Variants in KCNT2 observed in about 807,000 individuals in gnomAD.
KCNT2 encodes the protein potassium sodium-activated channel subfamily T member 2.
A neutral mutation model predicts 153.8 loss-of-function variants in KCNT2; 67 were observed. The ratio of observed to expected loss-of-function variants is 0.44; its 90% CI spans 0.36 to 0.53. The LOEUF (loss-of-function observed/expected upper bound fraction) is 0.53. KCNT2 is among the 20% of genes least tolerant of loss of function. The pLI, the probability that KCNT2 is intolerant of heterozygous loss-of-function variation, is 0.00. For missense variants in KCNT2, 975 were observed against 1,354.8 expected, an observed-to-expected ratio of 0.72 and a Z score of 4.40; for synonymous variants, 500 against 458.8, an observed-to-expected ratio of 1.09 and a Z score of -1.15.
chr1:196,570,062 T>C (rs866845997), intron 1 of KCNT2, among the ~76,000 whole-genome samples: 7 of 116,280 alleles, frequency 6.0e-5, no homozygotes, highest in Non-Finnish European at 1.1e-4. Flanking sequence ...AAGCTTGAGC[T>C]AGAGTAAAAA....
At chr1:196,530,112 A>G (rs1654749477) in intron 1 of KCNT2, among the ~76,000 whole-genome samples, 1 of 152,022 alleles carries the variant, frequency 6.6e-6, no homozygotes, top group African/African-American at 2.4e-5. Context: ...CACAATAAAT[A>G]TAAAGTTTAT....
At chr1:196,482,085 G>T (rs1415120282) in intron 4 of KCNT2, among the ~76,000 whole-genome samples, 1 of 152,092 alleles carries the variant, frequency 6.6e-6, no homozygotes, top group Admixed American at 6.6e-5. Context: ...GTATACTTTG[G>T]TTTTCTCCAA....
intron 22 of KCNT2, among the ~76,000 whole-genome samples, chr1:196,290,494 T>A (rs1660084590): frequency 6.6e-6 from 1 of 151,856 alleles, no homozygotes; most frequent in Non-Finnish European, 1.5e-5. Context: ...CAATTATACA[T>A]TTATGTGCAC....
intron 8 of KCNT2, among the ~76,000 whole-genome samples, chr1:196,433,785 T>A (rs778276377): frequency 6.6e-6 from 1 of 152,050 alleles, no homozygotes; most frequent in Non-Finnish European, 1.5e-5. Flanking sequence ...TTATGTAGCA[T>A]ACATATTCTA....
chr1:196,358,437 G>T (rs1667351244), intron 14 of KCNT2, among the ~76,000 whole-genome samples: 1 of 151,526 alleles, frequency 6.6e-6, no homozygotes, highest in Admixed American at 6.6e-5. Context: ...CCAGAATCAT[G>T]TTCAACAGAA....
chr1:196,451,407 A>ATTTTTTTTTT (rs35621901), intron 8 of KCNT2, among the ~76,000 whole-genome samples: 104 of 62,854 alleles, frequency 1.7e-3, no homozygotes, highest in African/African-American at 2.3e-3. Flanking sequence ...CACCCAACAC[A>ATTTTTTTTTT]TTTTTTTTTT....
At chr1:196,303,305 G>A (rs566074331) in intron 22 of KCNT2, among the ~76,000 whole-genome samples, 26 of 152,172 alleles carry the variant, frequency 1.7e-4, no homozygotes, top group Non-Finnish European at 3.4e-4. Flanking sequence ...TAGATACCTG[G>A]TATTAAATTG....
intron 1 of KCNT2, among the ~76,000 whole-genome samples, chr1:196,553,398 T>C (rs1658212595): frequency 1.3e-5 from 2 of 150,860 alleles, no homozygotes. Flanking sequence ...TAAGGCAAAA[T>C]ATTACTCCCA....
At chr1:196,342,764 C>A (rs76802158) in intron 14 of KCNT2, among the ~76,000 whole-genome samples, 5,746 of 151,894 alleles carry the variant, frequency 0.038, 367 homozygotes, top group African/African-American at 0.13. Flanking sequence ...TTGTTCATAT[C>A]GTAGCAATAA....
In KCNT2 at chr1:196,425,787, A is replaced by C. The variant is rs183396872; in HGVS notation, c.1121+65T>G. 7 of 1,547,032 alleles carry C rather than the reference A, an allele frequency of 4.5e-6. No individual in the cohort carries two copies. The East Asian group carries it at 1.6e-4, about 35-fold the overall frequency. On this transcript the variant is annotated intron_variant, in intron 11 of 27. Transcript: ENST00000294725. ...AACACTGAAAATTGCTAAAATTTGG[A>C]GGAAAGAGAAAATATTAAGTCACTC...
chr1:196,547,548 G>A (rs952083854), intron 1 of KCNT2, among the ~76,000 whole-genome samples: 2 of 151,862 alleles, frequency 1.3e-5, no homozygotes, highest in African/African-American at 4.8e-5. Context: ...TTTCACTTAA[G>A]TTTGTTTCTA....
chr1:196,281,044 G>A (rs1659043824), intron 24 of KCNT2, 56 bp from the exon 25 acceptor site: 2 of 1,366,654 alleles, frequency 1.5e-6, no homozygotes, highest in Non-Finnish European at 2.1e-6. Context: ...AAAACCTAGT[G>A]GTAACTTTAC....
At chr1:196,570,504 A>G (rs541475266) in intron 1 of KCNT2, among the ~76,000 whole-genome samples, 42 of 152,212 alleles carry the variant, frequency 2.8e-4, no homozygotes, top group Admixed American at 2.0e-4. Context: ...ACTCTGACAC[A>G]ATACCAAGTA....
intron 26 of KCNT2, among the ~76,000 whole-genome samples, chr1:196,242,467 A>G (rs1655044886): frequency 6.6e-6 from 1 of 152,136 alleles, no homozygotes; most frequent in Non-Finnish European, 1.5e-5. Context: ...TTGAGGATTG[A>G]AGAAAACAAT....
chr1:196,410,418 G>T (rs1230122458), intron 12 of KCNT2, among the ~76,000 whole-genome samples: 4 of 151,116 alleles, frequency 2.6e-5, no homozygotes, highest in African/African-American at 4.9e-5. Flanking sequence ...GGCCTGTTGT[G>T]GGGTGAGGGC....
intron 13 of KCNT2, among the ~76,000 whole-genome samples, chr1:196,391,338 A>T (rs1273453541): frequency 6.6e-6 from 1 of 151,430 alleles, no homozygotes; most frequent in Non-Finnish European, 1.5e-5. Flanking sequence ...GTTATGAAAA[A>T]GTATTTAAGA....
At chr1:196,303,805 T>A (rs1385528331) in intron 22 of KCNT2, among the ~76,000 whole-genome samples, 5 of 152,160 alleles carry the variant, frequency 3.3e-5, no homozygotes, top group Admixed American at 1.3e-4. Flanking sequence ...GATCCTGGCT[T>A]CTTCATCACA....
At chr1:196,346,056 G>C (rs1275284042) in intron 14 of KCNT2, among the ~76,000 whole-genome samples, 4 of 151,846 alleles carry the variant, frequency 2.6e-5, no homozygotes, top group Admixed American at 2.6e-4. Flanking sequence ...GGAATACTAG[G>C]TACATGGGTG....
chr1:196,599,853 C>T (rs1664513991), intron 1 of KCNT2, among the ~76,000 whole-genome samples: 2 of 152,160 alleles, frequency 1.3e-5, no homozygotes. Flanking sequence ...GCCTCACATC[C>T]AAGAGCATAT....
Sources: allele counts gnomAD v4.1 joint callset (sites outside exome capture counted in the v4.1 genomes callset), GRCh38; gene constraint gnomAD v4.1.1; transcripts MANE v1.5; gene names NCBI Gene and HGNC (gene_info 2026-07-23, HGNC 2026-07-21).